IPO9: variants seen among roughly 807,000 people sequenced by gnomAD.
The protein encoded by IPO9 is importin-9.
Under a neutral mutation model 128.6 loss-of-function variants are expected in IPO9, and 28 were observed. The observed-to-expected ratio is 0.22, with a 90% CI of 0.16 to 0.30. The LOEUF is 0.30. Among genes scored for constraint, IPO9 ranks in the 10% least tolerant of loss-of-function variants. The probability of loss-of-function intolerance (pLI) is 1.00; values close to 1 mark genes in which losing one functional copy is unlikely to be tolerated. For synonymous variants in IPO9, 455 were observed against 475.8 expected (o/e 0.96, Z 0.57); for missense variants, 935 against 1,293.9 (o/e 0.72, Z 4.26).
intron 1 of IPO9, among the ~76,000 whole-genome samples, chr1:201,838,024 T>C (rs1219333914): frequency 2.0e-5 from 3 of 152,136 alleles, no homozygotes; most frequent in East Asian, 3.9e-4. Context: ...GAGCTGAGAT[T>C]GCGCCATTGC....
Position 201,842,558 on chromosome 1 carries a change from A to G in IPO9, c.164-4721A>G, listed in dbSNP as rs78834064. On this transcript the variant is annotated intron_variant, in intron 1 of 23. Coordinates refer to ENST00000361565, the MANE Select transcript of IPO9 (RefSeq NM_018085.5). ...AGCTATCAAGTCAGCTTATTAGCAT[A>G]CAAAAAGACATCACTTTGGAGTTTC... is the stretch of plus-strand genomic sequence containing the variant. Among the ~76,000 whole-genome samples the G allele has an allele frequency of 3.9e-4, 59 of 152,292 alleles. 2 individuals carry two copies. In the East Asian group the frequency reaches 0.011, roughly 29 times the overall value.
chr1:201,864,737 A>AT (rs2102885089), intron 14 of IPO9, among the ~76,000 whole-genome samples: 1 of 152,332 alleles, frequency 6.6e-6, no homozygotes, highest in African/African-American at 2.4e-5. Context: ...ACCAACATTG[A>AT]TTCTCTCTGG....
Position 201,857,118 on chromosome 1 carries a change from C to A in IPO9, c.1145C>A (p.Pro382His). The A allele has an allele frequency of 6.2e-7, 1 of 1,611,958 alleles. No individual in the cohort carries two copies. ...CAGATTAAAGTATGGACAGCCAACCCCCAACAATTTGTAGAAGATGAAGAT... is the reference window on the plus strand; with the variant it reads ...CAGATTAAAGTATGGACAGCCAACCACCAACAATTTGTAGAAGATGAAGAT... ...EEQIKVWTAN[P>H]QQFVEDEDDD... The change falls in exon 11 of 24, where the codon CCC becomes CAC. Residue 382 changes from proline (P) to histidine (H), a missense_variant. Physicochemically the swap from Pro to His is moderately conservative, Grantham distance 77. This residue lies in a region of IPO9 where 741 missense variants were observed against 1,019.1 expected (regional missense o/e 0.73). Coordinates refer to ENST00000361565, the MANE Select transcript of IPO9 (RefSeq NM_018085.5).
At chr1:201,853,675 C>T (rs779238352) in intron 6 of IPO9, among the ~76,000 whole-genome samples, 3 of 152,126 alleles carry the variant, frequency 2.0e-5, no homozygotes, top group Non-Finnish European at 2.9e-5. Flanking sequence ...CTCAGCCTCC[C>T]GAGTAGGTGA....
At position 201,878,399 on chromosome 1, in the gene IPO9, CCACA is replaced by C. The variant is rs987326413; in HGVS notation, c.*2350_*2353del. Reference sequence around the variant, plus strand: ...CTGAGCTTGGGAAGGCTTAAGGCTCCCACACACAGACTGAGAATGATGGGGGTCC... The same window carrying C: ...CTGAGCTTGGGAAGGCTTAAGGCTCCCACAGACTGAGAATGATGGGGGTCC... On this transcript the variant is annotated 3_prime_UTR_variant, in exon 24 of 24. Transcript: ENST00000361565. 1 of 152,584 alleles carries C rather than the reference CCACA, an allele frequency of 6.6e-6. No homozygotes were observed. Among genetic ancestry groups the C allele is most frequent in the East Asian group, 1.9e-4 (1 of 5,198 alleles). 9.5% of individuals were successfully genotyped at this position (152,584 alleles called of 1,614,324 possible). A position where few individuals can be genotyped will look rare whatever the true frequency, so the allele number is the denominator to read the frequency against.
chr1:201,856,830 G>A (rs890492287), intron 10 of IPO9, among the ~76,000 whole-genome samples: 3 of 152,094 alleles, frequency 2.0e-5, no homozygotes, highest in Admixed American at 1.3e-4. Flanking sequence ...GAGACCACAG[G>A]CATATGCCAC....
intron 13 of IPO9, among the ~76,000 whole-genome samples, chr1:201,859,807 A>T (rs990973086): frequency 1.3e-5 from 2 of 152,120 alleles, no homozygotes; most frequent in Non-Finnish European, 2.9e-5. Context: ...TAAAAATATA[A>T]AAATTAGCTG....
intron 6 of IPO9, among the ~76,000 whole-genome samples, chr1:201,854,002 C>T (rs1257564639): frequency 6.6e-6 from 1 of 152,200 alleles, no homozygotes; most frequent in African/African-American, 2.4e-5. Context: ...TCCCAAAGTG[C>T]TGGGATTACA....
At position 201,876,882 on chromosome 1, in the gene IPO9, G is replaced by GCC; in HGVS notation, c.*829_*830dup. ...AAGGTTATCCCCTTTCCCTCAGGAA[G>GCC]CCTCTAAAGTGCTTAAGTTGTAGCC... On this transcript the variant is annotated 3_prime_UTR_variant, in exon 24 of 24. Coordinates refer to ENST00000361565, the MANE Select transcript of IPO9 (RefSeq NM_018085.5). 6.6e-6 allele frequency: 1 copy of GCC among 152,580 alleles called. No individual in the cohort carries two copies. The highest frequency in any genetic ancestry group is 1.5e-5 in the Non-Finnish European group (1 of 68,040). The allele number at this position is 152,580 out of a possible 1,614,324, so 9.5% of individuals were successfully genotyped here.
intron 14 of IPO9, among the ~76,000 whole-genome samples, chr1:201,866,530 A>T (rs1680557364): frequency 6.6e-6 from 1 of 152,136 alleles, no homozygotes; most frequent in African/African-American, 2.4e-5. Context: ...AAAATAGCAA[A>T]AGTCAAAGAA....
rs1680830301 is a variant in IPO9, at chr1:201,878,941, CAAAT to C, written c.*2888_*2891del. ...AGGAACTAAAAAGTTCAAGGTAAGA[CAAAT>C]GAGGTAAAAATAAAAAAGAGCACTT... On this transcript the variant is annotated 3_prime_UTR_variant, in exon 24 of 24. Coordinates refer to ENST00000361565, the MANE Select transcript of IPO9 (RefSeq NM_018085.5). 6.6e-6 allele frequency: 1 copy of C among 152,054 alleles called. No individual in the cohort carries two copies. The highest frequency in any genetic ancestry group is 1.5e-5 in the Non-Finnish European group (1 of 68,032). The allele number at this position is 152,054 out of a possible 1,614,324, so 9.4% of individuals were successfully genotyped here. A position where few individuals can be genotyped will look rare whatever the true frequency, so the allele number is the denominator to read the frequency against.
intron 19 of IPO9, 129 bp from the exon 20 acceptor site, chr1:201,872,699 G>C (rs979428132): frequency 9.8e-7 from 1 of 1,018,678 alleles, no homozygotes; most frequent in African/African-American, 1.6e-5. Flanking sequence ...AACTCTCTTA[G>C]CTCTCCTAAT....
intron 5 of IPO9, among the ~76,000 whole-genome samples, chr1:201,852,485 C>T (rs903602849): frequency 2.6e-5 from 4 of 152,210 alleles, no homozygotes; most frequent in Non-Finnish European, 5.9e-5. Flanking sequence ...CAGCCTCTTA[C>T]TGAGTTATCC....
intron 19 of IPO9, among the ~76,000 whole-genome samples, chr1:201,872,072 T>C (rs1478632710): frequency 1.3e-5 from 2 of 152,096 alleles, no homozygotes; most frequent in Non-Finnish European, 2.9e-5. Context: ...CTGTCTCTAC[T>C]ATAAATACAA....
At chr1:201,829,696 G>A (rs1679793983) in intron 1 of IPO9, 1 of 230,056 alleles carries the variant, frequency 4.3e-6, no homozygotes, top group African/African-American at 2.3e-5. Context: ...GCGCGGTCGG[G>A]GAAATATTTT....
chr1:201,844,628 C>A (rs1191184674), intron 1 of IPO9, among the ~76,000 whole-genome samples: 1 of 152,232 alleles, frequency 6.6e-6, no homozygotes, highest in Non-Finnish European at 1.5e-5. Context: ...TGAATGATAT[C>A]CATGAACTCT....
intron 20 of IPO9, among the ~76,000 whole-genome samples, chr1:201,873,316 G>A (rs570368271): frequency 1.3e-5 from 2 of 151,190 alleles, no homozygotes; most frequent in African/African-American, 4.9e-5. Flanking sequence ...ATGGTGGTGG[G>A]CGCCTGTAAT....
intron 14 of IPO9, among the ~76,000 whole-genome samples, chr1:201,865,608 A>G (rs1024532326): frequency 4.6e-5 from 7 of 151,984 alleles, no homozygotes; most frequent in Admixed American, 1.3e-4. Context: ...TTATTCCTTC[A>G]TGTCATAGTT....
rs575059014 is a variant in IPO9, at chr1:201,852,959, C to T, written c.604-52C>T. On this transcript the variant is annotated intron_variant, in intron 5 of 23. Coordinates refer to ENST00000361565, the MANE Select transcript of IPO9 (RefSeq NM_018085.5). ...CTTCTAGTCTGAGATACACACATAC[C>T]TACACACTCCAGTCTCGTGGCTATG... 30 of 1,410,490 alleles carry T rather than the reference C, an allele frequency of 2.1e-5. No individual in the cohort carries two copies. The African/African-American group carries it at 2.5e-4, about 12-fold the overall frequency. 87.4% of individuals were successfully genotyped at this position (1,410,490 alleles called of 1,614,324 possible).
Sources: gnomAD v4.1 joint callset for allele counts (sites outside exome capture counted in the v4.1 genomes callset) on GRCh38, gnomAD v4.1.1 for gene constraint, gnomAD v4.1.1 regional missense constraint, MANE v1.5 for transcripts, NCBI Gene and HGNC (gene_info 2026-07-23, HGNC 2026-07-21) for gene names.